The following DCX variants were observed in gnomAD, a reference collection of about 807,000 sequenced individuals.
DCX encodes the protein neuronal migration protein doublecortin.
Under a neutral mutation model 20.9 loss-of-function variants are expected in DCX, and 4 were observed. That is an observed-to-expected ratio of 0.19 (90% CI 0.09 to 0.44). The LOEUF (loss-of-function observed/expected upper bound fraction) is 0.44, where lower values mean the gene tolerates loss of function less well. Ranked by LOEUF, DCX falls within the 20% of genes least tolerant of loss-of-function variation. The pLI is 0.99. For missense variants in DCX, 133 were observed against 296.9 expected (o/e 0.45, Z 4.06); for synonymous variants, 103 against 111.4 (o/e 0.92, Z 0.47).
rs180744212 is a variant in DCX at position 111,402,820 on chromosome X, T to C, written c.365-1490A>G. 4.5e-3 allele frequency among the ~76,000 whole-genome samples: 357 copies of C among 80,169 alleles called. 2 individuals carry two copies. Among genetic ancestry groups the C allele is most frequent in the African/African-American group, 0.011 (260 of 23,089 alleles). 69.6% of individuals were successfully genotyped at this position (80,169 alleles called of 115,157 possible). A position where few individuals can be genotyped will look rare whatever the true frequency, so the allele number is the denominator to read the frequency against. On this transcript the variant is annotated intron_variant, in intron 2 of 6. Coordinates refer to ENST00000636035, the MANE Select transcript of DCX (RefSeq NM_001195553.2). ...GTGTGTGTGTGTGTGTGTGTGTGTG[T>C]GCGGAGGGGGAGGGTAAGTGGCATC...
At chrX:111,375,469 T>C (rs751550119) in intron 3 of DCX, among the ~76,000 whole-genome samples, 20 of 111,329 alleles carry the variant, frequency 1.8e-4, no homozygotes, top group Non-Finnish European at 2.8e-4. Context: ...ATGAGTAGTC[T>C]AGACAGTACT....
intron 3 of DCX, among the ~76,000 whole-genome samples, chrX:111,355,678 G>A (rs996453078): frequency 1.8e-5 from 2 of 111,356 alleles, no homozygotes; most frequent in Non-Finnish European, 3.8e-5. Flanking sequence ...AGGAGATGAA[G>A]TACAGCAAAG....
At chrX:111,379,620 G>A (rs1427731027) in intron 3 of DCX, among the ~76,000 whole-genome samples, 2 of 111,684 alleles carry the variant, frequency 1.8e-5, no homozygotes, top group African/African-American at 3.2e-5. Context: ...TTTCATCGAT[G>A]GGAATTTAGT....
intron 4 of DCX, among the ~76,000 whole-genome samples, chrX:111,332,300 C>A (rs774164535): frequency 2.7e-5 from 3 of 112,080 alleles, no homozygotes; most frequent in Non-Finnish European, 5.6e-5. Context: ...GGGAACACAG[C>A]AGAAATGCCA....
intron 3 of DCX, among the ~76,000 whole-genome samples, chrX:111,398,013 A>ATTTG (rs1927469650): frequency 9.0e-6 from 1 of 110,751 alleles, no homozygotes; most frequent in African/African-American, 3.3e-5. Flanking sequence ...AATAAGGCAA[A>ATTTG]CCTTATTTGC....
chrX:111,356,142 T>A (rs767683722), intron 3 of DCX, among the ~76,000 whole-genome samples: 3 of 112,593 alleles, frequency 2.7e-5, no homozygotes, highest in Non-Finnish European at 5.6e-5. Flanking sequence ...AAAGGGATAT[T>A]AGAATACAGT....
At chrX:111,321,812 G>A (rs955343536) in intron 5 of DCX, among the ~76,000 whole-genome samples, 2 of 112,288 alleles carry the variant, frequency 1.8e-5, no homozygotes, top group African/African-American at 6.5e-5. Context: ...TGCCTAGGCA[G>A]CAGGTTACAT....
In DCX at chrX:111,309,084, T is replaced by C. The variant is rs753183811; in HGVS notation, c.1044+3555A>G. Among the ~76,000 whole-genome samples, 2 of 111,925 alleles carry C rather than the reference T, an allele frequency of 1.8e-5. 1 individual carries two copies. The highest frequency in any genetic ancestry group is 7.5e-4 in the South Asian group (2 of 2,669). On this transcript the variant is annotated intron_variant, in intron 6 of 6. Transcript: ENST00000636035. The stretch of plus-strand genomic sequence containing the variant: ...AAAAAAGCAGTATGAAAATGCAAAA[T>C]GTTGTTCTCATTAACTATCCAAGGA...
In DCX at chrX:111,368,901, T is replaced by TACACACACACAC. The variant is rs200777698; in HGVS notation, c.705+32077_705+32088dup. 5.8e-3 allele frequency among the ~76,000 whole-genome samples: 569 copies of TACACACACACAC among 98,271 alleles called. 7 individuals are homozygous for TACACACACACAC. The highest frequency in any genetic ancestry group is 0.02 in the African/African-American group (542 of 26,505). 85.3% of individuals were successfully genotyped at this position (98,271 alleles called of 115,157 possible). A position where few individuals can be genotyped will look rare whatever the true frequency, so the allele number is the denominator to read the frequency against. ...CTAATACGGGATATATATATATACA[T>TACACACACACAC]ACACACACACACACACACACACACA... On this transcript the variant is annotated intron_variant, in intron 3 of 6. Coordinates refer to ENST00000636035, the MANE Select transcript of DCX (RefSeq NM_001195553.2).
rs2095025641 is a variant in DCX at position 111,298,131 on chromosome X, G to C, written c.*3556C>G. The C allele has an allele frequency of 8.9e-6, 1 of 111,922 alleles. No individual in the cohort carries two copies. The highest frequency in any genetic ancestry group is 9.5e-5 in the Admixed American group (1 of 10,581). 9.2% of individuals were successfully genotyped at this position (111,922 alleles called of 1,213,427 possible). A position where few individuals can be genotyped will look rare whatever the true frequency, so the allele number is the denominator to read the frequency against. ...CTTTCTTTTTCTACTCTGGAAACAA[G>C]AAACATTTCCCTCAGCCTGGAAAGA... is the stretch of plus-strand genomic sequence containing the variant. On this transcript the variant is annotated 3_prime_UTR_variant, in exon 7 of 7. Coordinates refer to ENST00000636035, the MANE Select transcript of DCX (RefSeq NM_001195553.2).
chrX:111,360,717 A>C (rs1383039448), intron 3 of DCX, among the ~76,000 whole-genome samples: 1 of 111,382 alleles, frequency 9.0e-6, no homozygotes, highest in Non-Finnish European at 1.9e-5. Flanking sequence ...ATAAATATAT[A>C]TAACTACTCT....
intron 3 of DCX, among the ~76,000 whole-genome samples, chrX:111,386,095 G>A (rs1268420132): frequency 2.7e-5 from 3 of 111,388 alleles, no homozygotes; most frequent in Non-Finnish European, 5.7e-5. Context: ...AAGGGCAAGG[G>A]CAGTATGGAG....
chrX:111,370,704 G>T (rs1265143995), intron 3 of DCX, among the ~76,000 whole-genome samples: 1 of 110,065 alleles, frequency 9.1e-6, no homozygotes, highest in African/African-American at 3.3e-5. Flanking sequence ...TCATAAAGAA[G>T]TCCACACAGC....
At chrX:111,345,716 G>A (rs756398013) in intron 3 of DCX, among the ~76,000 whole-genome samples, 5 of 111,230 alleles carry the variant, frequency 4.5e-5, no homozygotes, top group Admixed American at 1.9e-4. Context: ...CCAGTCATGC[G>A]TCTTTATAGT....
intron 5 of DCX, among the ~76,000 whole-genome samples, chrX:111,325,388 C>T (rs1197243657): frequency 9.0e-6 from 1 of 111,321 alleles, no homozygotes; most frequent in Admixed American, 9.6e-5. Flanking sequence ...GATGTTCTGG[C>T]TCTTGGGTGC....
chrX:111,347,292 T>G (rs751909795), intron 3 of DCX, among the ~76,000 whole-genome samples: 1 of 111,770 alleles, frequency 8.9e-6, no homozygotes, highest in South Asian at 3.8e-4. Flanking sequence ...GCTTACTTAA[T>G]TCTTGATCTT....
chrX:111,301,600 T>C lies in DCX; in HGVS notation c.*87A>G. 5.5e-6 allele frequency: 5 copies of C among 908,598 alleles called. No homozygotes were observed. The highest frequency in any genetic ancestry group is 2.0e-5 in the South Asian group (1 of 50,865). 74.9% of individuals were successfully genotyped at this position (908,598 alleles called of 1,213,427 possible). A position where few individuals can be genotyped will look rare whatever the true frequency, so the allele number is the denominator to read the frequency against. On this transcript the variant is annotated 3_prime_UTR_variant, in exon 7 of 7. Transcript: ENST00000636035. The stretch of plus-strand genomic sequence containing the variant: ...CAAAATAAAAACTTGAAAGCACCAA[T>C]AGCCCTGTTGGACACTTGAGCAGAA...
intron 3 of DCX, among the ~76,000 whole-genome samples, chrX:111,351,137 G>A (rs766161769): frequency 8.9e-6 from 1 of 111,900 alleles, no homozygotes; most frequent in East Asian, 2.8e-4. Flanking sequence ...TCAGTATGGG[G>A]GCTCATGAGG....
intron 3 of DCX, among the ~76,000 whole-genome samples, chrX:111,387,769 T>A (rs953213332): frequency 1.8e-5 from 2 of 111,688 alleles, no homozygotes; most frequent in African/African-American, 6.5e-5. Flanking sequence ...GGCACAAGTG[T>A]GTGTATGCAG....
Sources: allele counts gnomAD v4.1 joint callset (sites outside exome capture counted in the v4.1 genomes callset), GRCh38; gene constraint gnomAD v4.1.1; transcripts MANE v1.5; gene names NCBI Gene and HGNC (gene_info 2026-07-23, HGNC 2026-07-21).